TNNI3K: variants seen among roughly 807,000 people sequenced by gnomAD.
TNNI3K encodes the protein TNNI3 interacting kinase.
In TNNI3K, 140 loss-of-function variants were observed where a neutral mutation model predicts 114.5. That is an observed-to-expected ratio of 1.22 (90% CI 1.07 to 1.41). The LOEUF is 1.41. TNNI3K is among the 40% of genes most tolerant of loss of function. The probability of loss-of-function intolerance (pLI) is 0.00; values close to 1 mark genes in which losing one functional copy is unlikely to be tolerated. For synonymous variants in TNNI3K, 347 were observed against 347.5 expected (o/e 1.00, Z 0.02); for missense variants, 1,125 against 1,007.6 (o/e 1.12, Z -1.58).
At chr1:74,272,631 G>A (rs1656420173) in intron 5 of TNNI3K, among the ~76,000 whole-genome samples, 1 of 151,760 alleles carries the variant, frequency 6.6e-6, no homozygotes. Flanking sequence ...GGTGATGAAT[G>A]GTTCCAAGCC....
intron 7 of TNNI3K, among the ~76,000 whole-genome samples, chr1:74,337,035 T>G (rs1352809870): frequency 1.3e-5 from 2 of 150,666 alleles, no homozygotes; most frequent in Non-Finnish European, 3.0e-5. Context: ...TTGTAATGAT[T>G]GCCATTCTAA....
chr1:74,281,035 C>A (rs1325517417), intron 5 of TNNI3K, among the ~76,000 whole-genome samples: 1 of 152,086 alleles, frequency 6.6e-6, no homozygotes, highest in African/African-American at 2.4e-5. Flanking sequence ...TGATTCCAGG[C>A]CCTGGCTACT....
chr1:74,436,351 G>A (rs1666128981), intron 18 of TNNI3K, 123 bp from the exon 19 acceptor site: 2 of 1,251,932 alleles, frequency 1.6e-6, no homozygotes, highest in Non-Finnish European at 2.2e-6. Flanking sequence ...CTCCAGCCAA[G>A]AGAAGGGAAG....
chr1:74,309,453 T>G (rs976898752), intron 5 of TNNI3K, among the ~76,000 whole-genome samples: 6 of 151,150 alleles, frequency 4.0e-5, no homozygotes, highest in African/African-American at 1.5e-4. Context: ...CCTAACTCAT[T>G]TTAGAAAACT....
chr1:74,350,117 A>G (rs1294573495), intron 9 of TNNI3K, among the ~76,000 whole-genome samples: 3 of 152,086 alleles, frequency 2.0e-5, no homozygotes, highest in African/African-American at 2.4e-5. Flanking sequence ...TCGGTGCTAT[A>G]AATTTCCCTC....
chr1:74,502,410 G>A (rs1033781526), intron 23 of TNNI3K, among the ~76,000 whole-genome samples: 11 of 152,170 alleles, frequency 7.2e-5, no homozygotes, highest in Non-Finnish European at 1.3e-4. Context: ...AGATAAAACA[G>A]AAACTCAAAT....
chr1:74,429,235 G>A (rs1409873346), intron 17 of TNNI3K, among the ~76,000 whole-genome samples: 16 of 152,076 alleles, frequency 1.1e-4, no homozygotes, highest in Admixed American at 1.0e-3. Context: ...AGCTATGTAA[G>A]AAGCAGAGAT....
At chr1:74,488,767 C>G (rs183569581) in intron 21 of TNNI3K, among the ~76,000 whole-genome samples, 2 of 152,152 alleles carry the variant, frequency 1.3e-5, no homozygotes, top group East Asian at 1.9e-4. Context: ...CTGAGATGAT[C>G]TTTTCAAAAG....
chr1:74,537,700 C>A (rs1306712567), intron 23 of TNNI3K, among the ~76,000 whole-genome samples: 1 of 152,130 alleles, frequency 6.6e-6, no homozygotes, highest in Non-Finnish European at 1.5e-5. Flanking sequence ...CACTAGCATA[C>A]AAATACAGAT....
chr1:74,236,374 T>C (rs913317571), intron 2 of TNNI3K, among the ~76,000 whole-genome samples, 164 bp downstream of exon 2: 2 of 151,702 alleles, frequency 1.3e-5, no homozygotes, highest in Non-Finnish European at 3.0e-5. Flanking sequence ...CTCATATAGC[T>C]CTCAAAATGC....
chr1:74,450,437 A>G (rs61054310), intron 20 of TNNI3K, among the ~76,000 whole-genome samples: 1 of 152,200 alleles, frequency 6.6e-6, no homozygotes, highest in African/African-American at 2.4e-5. Flanking sequence ...ACTTCTGCAC[A>G]GCAAAAGAAG....
chr1:74,241,611 A>G (rs1170314022), intron 2 of TNNI3K, among the ~76,000 whole-genome samples: 2 of 152,088 alleles, frequency 1.3e-5, no homozygotes, highest in Non-Finnish European at 2.9e-5. Flanking sequence ...TCCTTTGCCC[A>G]CTTGTTGATG....
chr1:74,285,509 A>G (rs1657273493), intron 5 of TNNI3K, among the ~76,000 whole-genome samples: 2 of 124,660 alleles, frequency 1.6e-5, no homozygotes, highest in South Asian at 6.1e-4. Context: ...AAGTTTTTCT[A>G]TGCTCTGAAC....
chr1:74,404,347 G>A (rs930257467), intron 17 of TNNI3K, among the ~76,000 whole-genome samples: 9 of 151,954 alleles, frequency 5.9e-5, no homozygotes, highest in African/African-American at 1.9e-4. Flanking sequence ...CTTCTTGCCC[G>A]TTTAATTTCA....
At chr1:74,536,351 A>G (rs994265250) in intron 23 of TNNI3K, among the ~76,000 whole-genome samples, 2 of 152,174 alleles carry the variant, frequency 1.3e-5, no homozygotes, top group African/African-American at 2.4e-5. Flanking sequence ...CAGTTTACAT[A>G]TTGTGGATTT....
At chr1:74,312,459 T>A (rs980554112) in intron 5 of TNNI3K, among the ~76,000 whole-genome samples, 1 of 152,176 alleles carries the variant, frequency 6.6e-6, no homozygotes, top group Admixed American at 6.5e-5. Flanking sequence ...AAACAAAACA[T>A]AAGAAAAAGA....
At chr1:74,488,998 G>A (rs1275233730) in intron 21 of TNNI3K, among the ~76,000 whole-genome samples, 191 bp from the exon 22 acceptor site, 2 of 151,922 alleles carry the variant, frequency 1.3e-5, no homozygotes, top group Non-Finnish European at 2.9e-5. Context: ...CTTATCAGAG[G>A]GAGACTCAAC....
At chr1:74,261,659 A>G (rs575717088) in intron 4 of TNNI3K, among the ~76,000 whole-genome samples, 1 of 152,256 alleles carries the variant, frequency 6.6e-6, no homozygotes, top group Admixed American at 6.5e-5. Flanking sequence ...ACAAAATCCT[A>G]TTAGACCATC....
intron 17 of TNNI3K, among the ~76,000 whole-genome samples, chr1:74,383,233 G>A (rs558478997): frequency 6.6e-6 from 1 of 152,072 alleles, no homozygotes; most frequent in African/African-American, 2.4e-5. Context: ...AAATATGAGT[G>A]AGGCTAAAGA....
Sources: gnomAD v4.1 joint callset for allele counts (sites outside exome capture counted in the v4.1 genomes callset) on GRCh38, gnomAD v4.1.1 for gene constraint, MANE v1.5 for transcripts, NCBI Gene and HGNC (gene_info 2026-07-23, HGNC 2026-07-21) for gene names.